ADCY3: variants seen among roughly 807,000 people sequenced by gnomAD.
ADCY3 encodes adenylate cyclase 3.
ADCY3 carries 70 observed loss-of-function variants against 119.4 expected under a neutral mutation model. The observed-to-expected ratio is 0.59, with a 90% CI of 0.48 to 0.72. The LOEUF (loss-of-function observed/expected upper bound fraction) is 0.72, where lower values mean the gene tolerates loss of function less well. Among genes scored for constraint, ADCY3 ranks in the 30% least tolerant of loss-of-function variants. The pLI, the probability that ADCY3 is intolerant of heterozygous loss-of-function variation, is 0.00. For missense variants in ADCY3, 1,238 were observed against 1,541.6 expected, an observed-to-expected ratio of 0.80 and a Z score of 3.30; for synonymous variants, 672 against 621.4, an observed-to-expected ratio of 1.08 and a Z score of -1.21.
chr2:24,820,346 T>C (rs1346943907), intron 21 of ADCY3: 4 of 1,334,520 alleles, frequency 3.0e-6, no homozygotes, highest in Non-Finnish European at 3.8e-6. Context: ...ACTTCTCTCC[T>C]AGGATGGCCA....
chr2:24,839,004 T>G lies in ADCY3; in HGVS notation c.1356-382A>C, dbSNP rs1461562803. 3.4e-6 allele frequency: 3 copies of G among 889,894 alleles called. No individual in the cohort carries two copies. The East Asian group carries it at 1.6e-4, about 48-fold the overall frequency. The allele number at this position is 889,894 out of a possible 1,614,324, so 55.1% of individuals were successfully genotyped here. A position where few individuals can be genotyped will look rare whatever the true frequency, so the allele number is the denominator to read the frequency against. ...GTCGCCCAGGATGGAGTGCAGTGGC[T>G]TGATCTTGGCTCAGTGCAACCTCTG... On this transcript the variant is annotated intron_variant, in intron 7 of 21. Coordinates refer to ENST00000679454, the MANE Select transcript of ADCY3 (RefSeq NM_004036.5).
At position 24,872,661 on chromosome 2, in the gene ADCY3, TA is replaced by T; in HGVS notation, c.733del (p.Tyr245ThrfsTer20). On this transcript the variant is annotated frameshift_variant, in exon 3 of 22. Coordinates refer to ENST00000679454, the MANE Select transcript of ADCY3 (RefSeq NM_004036.5). LOFTEE classifies it high-confidence loss of function. This position sits in a 1 kb window ranked among gnomAD's most constrained non-coding sequence, Gnocchi z 4.4. ...CTTGCGGTGCTTGCGGTCAGCCATGTAGTAGGACATGATGCCCACAGCGATG... is the reference window on the plus strand; with the variant it reads ...CTTGCGGTGCTTGCGGTCAGCCATGTGTAGGACATGATGCCCACAGCGATG... ...CAIAVGIMSY[Y>X]MADRKHRKAF... The T allele has an allele frequency of 6.2e-7, 1 of 1,614,178 alleles. No individual in the cohort carries two copies. Among genetic ancestry groups the T allele is most frequent in the Non-Finnish European group, 8.5e-7 (1 of 1,180,030 alleles).
intron 7 of ADCY3, among the ~76,000 whole-genome samples, chr2:24,839,494 C>G (rs1034900139): frequency 6.6e-6 from 1 of 152,194 alleles, no homozygotes; most frequent in Non-Finnish European, 1.5e-5. Flanking sequence ...CCTGCGAGCC[C>G]GCTAGCTGAT....
chr2:24,864,774 C>T (rs13428789), intron 3 of ADCY3, among the ~76,000 whole-genome samples: 64,082 of 151,976 alleles, frequency 0.42, 15,400 homozygotes, highest in African/African-American at 0.67. Flanking sequence ...GTTCTGGAAA[C>T]GGACAGTGGT....
rs1416481103 is a variant in ADCY3 at position 24,819,212 on chromosome 2, A to ATCAATACCTGTAAATTCTCTT, written c.*699_*719dup. On this transcript the variant is annotated 3_prime_UTR_variant, in exon 22 of 22. Coordinates refer to ENST00000679454, the MANE Select transcript of ADCY3 (RefSeq NM_004036.5). ...TTTTAATAAAACAGTCTTGTTCTTT[A>ATCAATACCTGTAAATTCTCTT]TCAATACCTGTAAATTCTCTTAAAG... 6.5e-6 allele frequency: 1 copy of ATCAATACCTGTAAATTCTCTT among 152,680 alleles called. No individual in the cohort carries two copies. Among genetic ancestry groups the ATCAATACCTGTAAATTCTCTT allele is most frequent in the Non-Finnish European group, 1.5e-5 (1 of 68,040 alleles). The allele number at this position is 152,680 out of a possible 1,614,324, so 9.5% of individuals were successfully genotyped here.
intron 15 of ADCY3, 68 bp from the exon 16 acceptor site, chr2:24,826,194 C>T (rs1196138008): frequency 5.2e-5 from 73 of 1,408,636 alleles, no homozygotes; most frequent in Non-Finnish European, 7.1e-5. Context: ...TGATTCCCTC[C>T]AACTAGATGG....
chr2:24,830,310 A>C (rs1486219847), intron 13 of ADCY3, among the ~76,000 whole-genome samples: 3 of 152,150 alleles, frequency 2.0e-5, no homozygotes, highest in African/African-American at 4.8e-5. Flanking sequence ...AAGTGCTGGG[A>C]TTACAGGCGT....
At position 24,918,928 on chromosome 2, in the gene ADCY3, G is replaced by A. The variant is rs1462644236; in HGVS notation, c.60C>T (p.Tyr20=). 17 of 1,611,978 alleles carry A rather than the reference G, an allele frequency of 1.1e-5. No individual in the cohort carries two copies. Among genetic ancestry groups the A allele is most frequent in the Non-Finnish European group, 1.4e-5 (17 of 1,179,808 alleles). ...PEYSAEYSAE[Y]SVSLPSDPDR... ...CAGGGTCGGAGGGCAGGCTGACGGA[G>A]TACTCGGCTGAGTACTCGGCCGAGT... Residue 20 remains tyrosine, a synonymous_variant, in exon 2 of 22, where the codon TAC becomes TAT. Coordinates refer to ENST00000679454, the MANE Select transcript of ADCY3 (RefSeq NM_004036.5). This position sits in a 1 kb window ranked among gnomAD's most constrained non-coding sequence, Gnocchi z 5.4.
At position 24,897,262 on chromosome 2, in the gene ADCY3, T is replaced by TCTC. The variant is rs953391188; in HGVS notation, c.675+21048_675+21050dup. On this transcript the variant is annotated intron_variant, in intron 2 of 21. Coordinates refer to ENST00000679454, the MANE Select transcript of ADCY3 (RefSeq NM_004036.5). ...TTCTCCTTTTTCTCCTCCTCCCCCT[T>TCTC]CTCCTCCTCCTCCTCCTCCCTCTTC... 1.1e-3 allele frequency among the ~76,000 whole-genome samples: 158 copies of TCTC among 148,586 alleles called. 1 individual carries two copies. Among genetic ancestry groups the TCTC allele is most frequent in the African/African-American group, 3.6e-3 (144 of 40,286 alleles).
rs1392548987 is a variant in ADCY3, at chr2:24,864,768, TGGAAAC to T, written c.825+7796_825+7801del. On this transcript the variant is annotated intron_variant, in intron 3 of 21. Coordinates refer to ENST00000679454, the MANE Select transcript of ADCY3 (RefSeq NM_004036.5). ...TCTCTTTGGGATGATGAAAAAGTTC[TGGAAAC>T]GGACAGTGGTGATGGCTGCACGACA... Among the ~76,000 whole-genome samples the T allele has an allele frequency of 3.3e-5, 5 of 152,236 alleles. No homozygotes were observed. The South Asian group carries it at 1.0e-3, about 32-fold the overall frequency.
chr2:24,880,882 G>A (rs1266002586), intron 2 of ADCY3, among the ~76,000 whole-genome samples: 1 of 152,164 alleles, frequency 6.6e-6, no homozygotes, highest in Non-Finnish European at 1.5e-5. Context: ...GGGTGTTGTG[G>A]CAGGCACCTG....
In ADCY3 at chr2:24,920,139, T is replaced by TCGCC. The variant is rs1253355075; in HGVS notation, c.-658_-655dup. 1.4e-5 allele frequency among the ~76,000 whole-genome samples: 2 copies of TCGCC among 144,544 alleles called. No individual in the cohort carries two copies. The highest frequency in any genetic ancestry group is 3.1e-5 in the Non-Finnish European group (2 of 65,360). 94.8% of individuals were successfully genotyped at this position (144,544 alleles called of 152,430 possible). On this transcript the variant is annotated 5_prime_UTR_variant, in exon 1 of 22. Coordinates refer to ENST00000679454, the MANE Select transcript of ADCY3 (RefSeq NM_004036.5). This position sits in a 1 kb window ranked among gnomAD's most constrained non-coding sequence, Gnocchi z 4.5. ...CCCGGGGAAGCCCGCCAGCATCCTC[T>TCGCC]CGCCCGCCCGCGCCGAGCCGAGCCA...
chr2:24,854,716 G>A lies in ADCY3; in HGVS notation c.826-12332C>T, dbSNP rs569727117. Reference sequence around the variant, plus strand: ...CAATGTACCAATGTTGCGGGGGTTAGAAGGGGGACACCTACCATTTGAGAT... The same window carrying A: ...CAATGTACCAATGTTGCGGGGGTTAAAAGGGGGACACCTACCATTTGAGAT... On this transcript the variant is annotated intron_variant, in intron 3 of 21. Transcript: ENST00000679454. Among the ~76,000 whole-genome samples, 175 of 152,266 alleles carry A rather than the reference G, an allele frequency of 1.1e-3. 1 individual carries two copies. The highest frequency in any genetic ancestry group is 4.1e-3 in the African/African-American group (169 of 41,530).
At chr2:24,917,164 T>C (rs570021399) in intron 2 of ADCY3, among the ~76,000 whole-genome samples, 2 of 152,338 alleles carry the variant, frequency 1.3e-5, no homozygotes, top group South Asian at 4.1e-4. Context: ...GCACCTGGTC[T>C]CCAGGACCCA....
intron 3 of ADCY3, among the ~76,000 whole-genome samples, chr2:24,870,198 G>T (rs1572942624): frequency 6.6e-6 from 1 of 151,382 alleles, no homozygotes; most frequent in African/African-American, 2.4e-5. Flanking sequence ...GCAGGTGCTT[G>T]TAATCCCAGC....
At chr2:24,831,505 G>C (rs1455958019) in intron 12 of ADCY3, among the ~76,000 whole-genome samples, 157 bp downstream of exon 12, 2 of 152,256 alleles carry the variant, frequency 1.3e-5, no homozygotes, top group East Asian at 3.8e-4. Flanking sequence ...CTCTGCTGAT[G>C]GTGAATGAAT....
At chr2:24,833,896 C>G (rs756949744) in intron 11 of ADCY3, among the ~76,000 whole-genome samples, 28 of 152,250 alleles carry the variant, frequency 1.8e-4, no homozygotes, top group Non-Finnish European at 3.1e-4. Flanking sequence ...AAACTGTAAT[C>G]CCAGCAGGGT....
At chr2:24,879,396 T>C (rs1432787144) in intron 2 of ADCY3, among the ~76,000 whole-genome samples, 1 of 135,176 alleles carries the variant, frequency 7.4e-6, no homozygotes, top group Non-Finnish European at 1.5e-5. Context: ...GAGCTTGCAG[T>C]GAGCCGAGAT....
chr2:24,834,205 C>G lies in ADCY3; in HGVS notation c.1967+280G>C, dbSNP rs147409922. The stretch of plus-strand genomic sequence containing the variant: ...GTGTGGGCCCATCTAGCCAAGGTCT[C>G]CAGCCTTCTGGAGGCCTCTGTCCCT... On this transcript the variant is annotated intron_variant, in intron 11 of 21. Transcript: ENST00000679454. The surrounding 1 kb of genome is among the most constrained non-coding windows in gnomAD (Gnocchi z 4.2). Among the ~76,000 whole-genome samples, 1 of 152,358 alleles carries G rather than the reference C, an allele frequency of 6.6e-6. No individual in the cohort carries two copies. The highest frequency in any genetic ancestry group is 1.5e-5 in the Non-Finnish European group (1 of 68,032).
Sources: allele counts gnomAD v4.1 joint callset (sites outside exome capture counted in the v4.1 genomes callset), GRCh38; gene constraint gnomAD v4.1.1; non-coding constraint Gnocchi (gnomAD v3.1); transcripts MANE v1.5; gene names NCBI Gene and HGNC (gene_info 2026-07-23, HGNC 2026-07-21).